The following NELL1 variants were observed in gnomAD, a reference collection of about 807,000 sequenced individuals.
The protein encoded by NELL1 is neural EGFL like 1, also known as protein kinase C-binding protein NELL1.
In NELL1, 76 loss-of-function variants were observed where a neutral mutation model predicts 107.4. The observed-to-expected ratio is 0.71, with a 90% CI of 0.59 to 0.86. The LOEUF is 0.86. NELL1 is among the 40% of genes least tolerant of loss of function. NELL1 has a pLI of 0.00. For missense variants in NELL1, 1,024 were observed against 1,005.5 expected (o/e 1.02, Z -0.25); for synonymous variants, 353 against 341.2 (o/e 1.03, Z -0.38).
intron 2 of NELL1, among the ~76,000 whole-genome samples, chr11:20,716,599 G>A (rs964815214): frequency 5.9e-5 from 9 of 152,166 alleles, no homozygotes; most frequent in African/African-American, 2.2e-4. Context: ...TACCACGTTT[G>A]TATGTGTCCA....
chr11:21,146,802 G>A (rs1855989149), intron 13 of NELL1, among the ~76,000 whole-genome samples: 1 of 119,132 alleles, frequency 8.4e-6, no homozygotes, highest in Admixed American at 7.6e-5. Flanking sequence ...CAGCACTTTT[G>A]CAGGCCAAGG....
chr11:21,300,950 G>A, intron 14 of NELL1, among the ~76,000 whole-genome samples: 1 of 152,008 alleles, frequency 6.6e-6, no homozygotes, highest in East Asian at 1.9e-4. Flanking sequence ...CTGTGTCCAA[G>A]TGTTCTCATT....
chr11:20,690,793 A>G (rs1286101672), intron 2 of NELL1, among the ~76,000 whole-genome samples: 2 of 150,770 alleles, frequency 1.3e-5, no homozygotes, highest in African/African-American at 2.4e-5. Flanking sequence ...TATGAACTTT[A>G]AAGTAGTTTT....
chr11:20,830,409 C>T (rs1001349134), intron 3 of NELL1, among the ~76,000 whole-genome samples: 3 of 151,142 alleles, frequency 2.0e-5, no homozygotes, highest in African/African-American at 7.3e-5. Flanking sequence ...TTTTTGCTCT[C>T]TCTTCTGCCC....
intron 15 of NELL1, among the ~76,000 whole-genome samples, chr11:21,419,260 T>C (rs934074416): frequency 2.0e-5 from 3 of 152,134 alleles, no homozygotes; most frequent in Non-Finnish European, 4.4e-5. Flanking sequence ...TGGGGAGCTA[T>C]GATGAAAAAT....
intron 13 of NELL1, among the ~76,000 whole-genome samples, chr11:21,154,255 T>G (rs1856182406): frequency 6.6e-6 from 1 of 152,204 alleles, no homozygotes; most frequent in Admixed American, 6.5e-5. Flanking sequence ...ATAGATCTAC[T>G]GAAATATATG....
intron 12 of NELL1, among the ~76,000 whole-genome samples, chr11:21,112,713 T>C (rs1855136118): frequency 6.6e-6 from 1 of 152,020 alleles, no homozygotes; most frequent in Admixed American, 6.6e-5. Context: ...ATGAGGATAC[T>C]TGGACCCAGA....
At chr11:21,184,315 C>T (rs1446871436) in intron 13 of NELL1, among the ~76,000 whole-genome samples, 1 of 151,736 alleles carries the variant, frequency 6.6e-6, no homozygotes, top group Non-Finnish European at 1.5e-5. Flanking sequence ...TTCACCCAGG[C>T]TGGAGTGCAG....
intron 13 of NELL1, among the ~76,000 whole-genome samples, chr11:21,127,581 A>AGAGGAAGAG (rs1371430440): frequency 6.6e-6 from 1 of 151,846 alleles, no homozygotes; most frequent in Non-Finnish European, 1.5e-5. Context: ...GAGAAGAAGA[A>AGAGGAAGAG]GAGGAAGAGG....
intron 15 of NELL1, among the ~76,000 whole-genome samples, chr11:21,419,020 C>T (rs901279119): frequency 6.6e-6 from 1 of 152,100 alleles, no homozygotes. Flanking sequence ...AGGGTCTCTA[C>T]GCTCACCCAC....
intron 14 of NELL1, among the ~76,000 whole-genome samples, chr11:21,340,910 T>C (rs1262039695): frequency 1.3e-5 from 2 of 152,164 alleles, no homozygotes; most frequent in East Asian, 1.9e-4. Flanking sequence ...TACTTTGTTA[T>C]GGCAACACTA....
chr11:20,816,761 T>C (rs559033502), intron 3 of NELL1, among the ~76,000 whole-genome samples: 5 of 152,186 alleles, frequency 3.3e-5, no homozygotes, highest in Admixed American at 6.5e-5. Flanking sequence ...GTTCAGAATG[T>C]TGTTGGCTGT....
intron 2 of NELL1, among the ~76,000 whole-genome samples, chr11:20,772,561 T>A (rs1007140619): frequency 3.9e-5 from 6 of 152,216 alleles, no homozygotes; most frequent in African/African-American, 1.2e-4. Context: ...GGCATTTTTT[T>A]AAAGCATCTC....
chr11:20,725,303 T>G (rs1855484422), intron 2 of NELL1, among the ~76,000 whole-genome samples: 1 of 152,200 alleles, frequency 6.6e-6, no homozygotes, highest in East Asian at 1.9e-4. Flanking sequence ...AGGTTGCATG[T>G]GCCTGGATGC....
intron 12 of NELL1, among the ~76,000 whole-genome samples, chr11:21,100,887 G>C (rs143573705): frequency 6.6e-6 from 1 of 151,466 alleles, no homozygotes; most frequent in Non-Finnish European, 1.5e-5. Flanking sequence ...TGTGCACAAC[G>C]TGCAGGCTAG....
chr11:21,143,121 C>T (rs933376383), intron 13 of NELL1, among the ~76,000 whole-genome samples: 2 of 152,186 alleles, frequency 1.3e-5, no homozygotes, highest in African/African-American at 4.8e-5. Context: ...GCCAAACTCC[C>T]ATTTTACACC....
chr11:21,575,053 T>C lies in NELL1; in HGVS notation c.*31T>C. The stretch of plus-strand genomic sequence containing the variant: ...TTACAGTGGACTCAACGCAGAAGAA[T>C]GGACGAAATGACCATCCAACGTGAT... On this transcript the variant is annotated 3_prime_UTR_variant, in exon 20 of 20. Coordinates refer to ENST00000357134, the MANE Select transcript of NELL1 (RefSeq NM_006157.5). 6.4e-7 allele frequency: 1 copy of C among 1,561,692 alleles called. No individual in the cohort carries two copies. The highest frequency in any genetic ancestry group is 1.1e-5 in the South Asian group (1 of 90,012).
At chr11:21,265,464 G>T (rs1848617801) in intron 14 of NELL1, among the ~76,000 whole-genome samples, 1 of 151,944 alleles carries the variant, frequency 6.6e-6, no homozygotes, top group African/African-American at 2.4e-5. Flanking sequence ...CCATCTGTCA[G>T]CTCTTCTGTG....
chr11:21,057,747 T>C (rs1308060303), intron 12 of NELL1, among the ~76,000 whole-genome samples: 1 of 151,958 alleles, frequency 6.6e-6, no homozygotes, highest in Non-Finnish European at 1.5e-5. Context: ...TAAAAATGTA[T>C]CCCCAAAATA....
Sources: gnomAD v4.1 joint callset for allele counts (sites outside exome capture counted in the v4.1 genomes callset) on GRCh38, gnomAD v4.1.1 for gene constraint, MANE v1.5 for transcripts, NCBI Gene and HGNC (gene_info 2026-07-23, HGNC 2026-07-21) for gene names.